CEP83: variants seen among roughly 807,000 people sequenced by gnomAD.
The protein encoded by CEP83 is centrosomal protein 83.
A neutral mutation model predicts 101.9 loss-of-function variants in CEP83; 70 were observed. The ratio of observed to expected loss-of-function variants is 0.69; its 90% CI spans 0.57 to 0.84. The LOEUF (loss-of-function observed/expected upper bound fraction) is 0.84, where lower values mean the gene tolerates loss of function less well. Among genes scored for constraint, CEP83 ranks in the 40% least tolerant of loss-of-function variants. CEP83 has a pLI of 0.00. For missense variants in CEP83, 715 were observed against 787.2 expected, an observed-to-expected ratio of 0.91 and a Z score of 1.10; for synonymous variants, 264 against 267.9, an observed-to-expected ratio of 0.99 and a Z score of 0.14.
chr12:94,458,346 A>G (rs372388962), intron 1 of CEP83, among the ~76,000 whole-genome samples: 4 of 152,356 alleles, frequency 2.6e-5, no homozygotes, highest in East Asian at 3.9e-4. Context: ...GAAAACACTC[A>G]AAGTAAGGGG....
chr12:94,412,244 T>C (rs2063931029), intron 3 of CEP83, 74 bp downstream of exon 3: 2 of 1,216,042 alleles, frequency 1.6e-6, no homozygotes, highest in Non-Finnish European at 1.1e-6. Context: ...CTATATTCTA[T>C]AGCAAACATT....
At chr12:94,316,428 C>T (rs1020873886) in intron 14 of CEP83, among the ~76,000 whole-genome samples, 81 of 141,012 alleles carry the variant, frequency 5.7e-4, no homozygotes, top group African/African-American at 2.1e-3. Context: ...TTCCTGTCTA[C>T]TCTTTATGTC....
At chr12:94,295,260 G>T in the CEP83 span, among the ~76,000 whole-genome samples, 1 of 152,194 alleles carries the variant, frequency 6.6e-6, no homozygotes, top group African/African-American at 2.4e-5. Context: ...GGAGCATCTG[G>T]CCAGTGCAAA....
intron 2 of CEP83, among the ~76,000 whole-genome samples, chr12:94,416,932 C>A (rs2064319855): frequency 1.3e-5 from 2 of 151,988 alleles, no homozygotes; most frequent in Non-Finnish European, 2.9e-5. Flanking sequence ...ACATGGGGAG[C>A]CAGAACTACA....
At chr12:94,278,690 T>A in the CEP83 span, among the ~76,000 whole-genome samples, 4 of 152,198 alleles carry the variant, frequency 2.6e-5, no homozygotes, top group Non-Finnish European at 5.9e-5. Context: ...TAATTAATGC[T>A]GCATATTAAA....
intron 11 of CEP83, among the ~76,000 whole-genome samples, chr12:94,361,819 A>G (rs547632033): frequency 6.6e-6 from 1 of 151,966 alleles, no homozygotes; most frequent in Non-Finnish European, 1.5e-5. Flanking sequence ...CTCCTGCCTC[A>G]GCCTCCAGTG....
At chr12:94,339,755 A>G (rs557923161) in intron 11 of CEP83, among the ~76,000 whole-genome samples, 1 of 152,202 alleles carries the variant, frequency 6.6e-6, no homozygotes, top group African/African-American at 2.4e-5. Flanking sequence ...CTTGCTTGTG[A>G]GCACTGGAAA....
At chr12:94,426,764 A>C (rs2065233474) in intron 2 of CEP83, among the ~76,000 whole-genome samples, 1 of 152,186 alleles carries the variant, frequency 6.6e-6, no homozygotes, top group Admixed American at 6.5e-5. Context: ...GTATCCTTCT[A>C]AGAGAGAAGG....
intron 7 of CEP83, among the ~76,000 whole-genome samples, chr12:94,377,348 G>A (rs2137147763): frequency 6.6e-6 from 1 of 152,222 alleles, no homozygotes; most frequent in Non-Finnish European, 1.5e-5. Flanking sequence ...CCAGCATTAA[G>A]AGTATCACAC....
chr12:94,447,124 T>C (rs1029640993), intron 1 of CEP83, among the ~76,000 whole-genome samples: 2 of 152,210 alleles, frequency 1.3e-5, no homozygotes, highest in Non-Finnish European at 2.9e-5. Context: ...CATTTTCAGA[T>C]AGATAACCAA....
At chr12:94,434,424 T>C (rs747469446) in intron 2 of CEP83, among the ~76,000 whole-genome samples, 2 of 152,206 alleles carry the variant, frequency 1.3e-5, no homozygotes, top group Non-Finnish European at 2.9e-5. Context: ...GTTATACAAA[T>C]TATCTTAGAA....
the CEP83 span, among the ~76,000 whole-genome samples, chr12:94,281,021 G>A: frequency 3.4e-4 from 52 of 152,312 alleles, no homozygotes; most frequent in Admixed American, 2.1e-3. Flanking sequence ...GCTCACGCCT[G>A]TAATCCCAGC....
chr12:94,316,911 G>A (rs1970792346), intron 14 of CEP83, among the ~76,000 whole-genome samples: 1 of 152,086 alleles, frequency 6.6e-6, no homozygotes, highest in Admixed American at 6.6e-5. Flanking sequence ...ATGGCAGAAA[G>A]ATTTATATTC....
chr12:94,373,206 C>T (rs1235904579), intron 8 of CEP83, among the ~76,000 whole-genome samples: 1 of 152,102 alleles, frequency 6.6e-6, no homozygotes, highest in African/African-American at 2.4e-5. Flanking sequence ...CTCCACTGGA[C>T]CAAGTCACCC....
At chr12:94,386,122 C>G (rs1219971279) in intron 6 of CEP83, among the ~76,000 whole-genome samples, 1 of 152,178 alleles carries the variant, frequency 6.6e-6, no homozygotes, top group Non-Finnish European at 1.5e-5. Flanking sequence ...CTACACGTTA[C>G]TGTACTTAGA....
rs77444359 is a variant in CEP83 at position 94,448,995 on chromosome 12, T to C, written c.-155+10562A>G. 6.7e-3 allele frequency among the ~76,000 whole-genome samples: 986 copies of C among 147,748 alleles called. 11 individuals are homozygous for C. The highest frequency in any genetic ancestry group is 0.024 in the African/African-American group (945 of 39,988). The stretch of plus-strand genomic sequence containing the variant: ...GAAAAATAATCAGTGAAATAAAAGG[T>C]TGGTTCTTTGGAAAGATCAACAAAA... On this transcript the variant is annotated intron_variant, in intron 1 of 16. Transcript: ENST00000397809.
the CEP83 span, among the ~76,000 whole-genome samples, chr12:94,268,895 G>A: frequency 0.12 from 18,030 of 152,008 alleles, 1,279 homozygotes; most frequent in African/African-American, 0.19. Context: ...GCATCCGGCC[G>A]ATAATAAGAC....
At chr12:94,457,661 G>T (rs1002978410) in intron 1 of CEP83, among the ~76,000 whole-genome samples, 11 of 152,102 alleles carry the variant, frequency 7.2e-5, no homozygotes, top group African/African-American at 2.7e-4. Context: ...ATACATAAGG[G>T]TATCTGACAT....
At chr12:94,301,298 C>G in the CEP83 span, among the ~76,000 whole-genome samples, 2 of 152,174 alleles carry the variant, frequency 1.3e-5, no homozygotes, top group East Asian at 3.9e-4. Flanking sequence ...CTGTGAAAAA[C>G]TTTATCACAA....
Sources: allele counts gnomAD v4.1 joint callset (sites outside exome capture counted in the v4.1 genomes callset), GRCh38; gene constraint gnomAD v4.1.1; transcripts MANE v1.5; gene names NCBI Gene and HGNC (gene_info 2026-07-23, HGNC 2026-07-21).